Variants in FTO observed in about 807,000 individuals in gnomAD.
FTO encodes FTO alpha-ketoglutarate dependent dioxygenase, also known as alpha-ketoglutarate-dependent dioxygenase FTO.
FTO carries 47 observed loss-of-function variants against 63.9 expected under a neutral mutation model. The ratio of observed to expected loss-of-function variants is 0.74; its 90% confidence interval spans 0.58 to 0.94. The LOEUF (loss-of-function observed/expected upper bound fraction) is 0.94. FTO is among the 40% of genes least tolerant of loss of function. The probability of loss-of-function intolerance (pLI) is 0.00; values close to 1 mark genes in which losing one functional copy is unlikely to be tolerated. For missense variants in FTO, 562 were observed against 618.1 expected (o/e 0.91, Z 0.96); for synonymous variants, 207 against 224.4 (o/e 0.92, Z 0.69).
chr16:53,842,498 T>C, intron 3 of FTO, among the ~76,000 whole-genome samples: 1 of 152,204 alleles, frequency 6.6e-6, no homozygotes, highest in Non-Finnish European at 1.5e-5. Flanking sequence ...TCTACCTTTT[T>C]TAGTGTATCT....
intron 7 of FTO, among the ~76,000 whole-genome samples, chr16:53,913,361 G>C (rs1426091222): frequency 1.3e-5 from 2 of 152,138 alleles, no homozygotes; most frequent in African/African-American, 2.4e-5. Context: ...CTCTGATGAG[G>C]CTCTTACAGT....
Position 53,714,309 on chromosome 16 carries a change from G to A in FTO, c.45+10080G>A, listed in dbSNP as rs577767942. ...ATTCAAGGCTGAGCCTCAAGGGCCA[G>A]CATTTCTCCAGTAATAATATAAAAT... On this transcript the variant is annotated intron_variant, in intron 1 of 8. Transcript: ENST00000471389. 2.6e-5 allele frequency among the ~76,000 whole-genome samples: 4 copies of A among 152,292 alleles called. No homozygotes were observed. The South Asian group carries it at 6.2e-4, about 24-fold the overall frequency.
At chr16:53,808,535 T>C (rs886428693) in intron 1 of FTO, among the ~76,000 whole-genome samples, 3 of 152,138 alleles carry the variant, frequency 2.0e-5, no homozygotes, top group Non-Finnish European at 2.9e-5. Flanking sequence ...TTTTAGGTAA[T>C]GATACAAAAA....
chr16:53,950,145 T>C (rs537853188), intron 8 of FTO, among the ~76,000 whole-genome samples: 1 of 60,200 alleles, frequency 1.7e-5, no homozygotes. Context: ...AAAAAAGATA[T>C]TCACATTTGT....
chr16:53,958,867 G>C (rs1220377551), intron 8 of FTO, among the ~76,000 whole-genome samples: 1 of 152,120 alleles, frequency 6.6e-6, no homozygotes, highest in Non-Finnish European at 1.5e-5. Flanking sequence ...GCAAAGCCTG[G>C]GTTCAGCTCC....
At chr16:53,754,186 T>C (rs1049221087) in intron 1 of FTO, among the ~76,000 whole-genome samples, 38 of 152,222 alleles carry the variant, frequency 2.5e-4, no homozygotes, top group African/African-American at 8.7e-4. Flanking sequence ...ATGAATGGTA[T>C]GGCATTTTTG....
intron 8 of FTO, among the ~76,000 whole-genome samples, chr16:54,055,975 A>C (rs960583954): frequency 6.6e-6 from 1 of 152,216 alleles, no homozygotes; most frequent in Non-Finnish European, 1.5e-5. Flanking sequence ...GAAGTTCCCC[A>C]CTGGAGAGAG....
In FTO at chr16:53,826,345, C is replaced by T. The variant is rs2079005920; in HGVS notation, c.605C>T (p.Thr202Ile). The T allele has an allele frequency of 1.2e-6, 2 of 1,614,182 alleles. No individual in the cohort carries two copies. Among genetic ancestry groups the T allele is most frequent in the East Asian group, 2.2e-5 (1 of 44,880 alleles). The change falls in exon 3 of 9, where the codon ACT (threonine) becomes ATT (isoleucine). Residue 202 changes from threonine (T) to isoleucine (I), a missense_variant. Physicochemically the swap from Thr to Ile is moderately conservative, Grantham distance 89. Coordinates refer to ENST00000471389, the MANE Select transcript of FTO (RefSeq NM_001080432.3). ...AAGAGCAGAGCAGCATACAACGTAA[C>T]TTTGCTGAATTTCATGGATCCTCAG... ...DIKSRAAYNV[T>I]LLNFMDPQKM... is the part of the protein sequence containing the mutation.
intron 8 of FTO, among the ~76,000 whole-genome samples, chr16:54,009,989 G>T (rs538179906): frequency 1.8e-4 from 28 of 152,108 alleles, no homozygotes; most frequent in African/African-American, 5.3e-4. Context: ...GTCTATTTTT[G>T]ACTGTTGTAG....
At chr16:53,971,024 C>T (rs1249426380) in intron 8 of FTO, among the ~76,000 whole-genome samples, 3 of 152,152 alleles carry the variant, frequency 2.0e-5, no homozygotes, top group Non-Finnish European at 4.4e-5. Context: ...TTATTTACTG[C>T]ATATACATTT....
At chr16:53,835,627 AT>A (rs1462242155) in intron 3 of FTO, among the ~76,000 whole-genome samples, 3 of 151,956 alleles carry the variant, frequency 2.0e-5, no homozygotes, top group African/African-American at 7.3e-5. Context: ...ATGTTTTACA[AT>A]TTCACAGTGA....
At chr16:53,892,708 A>G (rs2081181824) in intron 7 of FTO, among the ~76,000 whole-genome samples, 1 of 152,200 alleles carries the variant, frequency 6.6e-6, no homozygotes, top group Non-Finnish European at 1.5e-5. Flanking sequence ...ACCTCAGGGA[A>G]TATGTGCATT....
chr16:54,026,701 G>C (rs1203505260), intron 8 of FTO, among the ~76,000 whole-genome samples: 1 of 152,116 alleles, frequency 6.6e-6, no homozygotes, highest in Non-Finnish European at 1.5e-5. Context: ...TTATAGACGA[G>C]AAGCCAGGAG....
At chr16:54,067,491 C>T (rs1419862347) in intron 8 of FTO, among the ~76,000 whole-genome samples, 1 of 152,194 alleles carries the variant, frequency 6.6e-6, no homozygotes, top group African/African-American at 2.4e-5. Context: ...ATATAAAATC[C>T]GCATGTGCTC....
intron 8 of FTO, among the ~76,000 whole-genome samples, chr16:53,976,345 A>G (rs2083438399): frequency 6.6e-6 from 1 of 152,146 alleles, no homozygotes; most frequent in South Asian, 2.1e-4. Flanking sequence ...TTAGGTTTTC[A>G]AATGGACGGG....
At chr16:53,752,046 C>G (rs550124574) in intron 1 of FTO, among the ~76,000 whole-genome samples, 1 of 152,298 alleles carries the variant, frequency 6.6e-6, no homozygotes, top group East Asian at 1.9e-4. Context: ...GGCACAAAGA[C>G]ATATGTATAA....
At chr16:54,085,267 CT>C (rs1217236046) in intron 8 of FTO, among the ~76,000 whole-genome samples, 2 of 152,164 alleles carry the variant, frequency 1.3e-5, no homozygotes, top group Admixed American at 6.5e-5. Context: ...TCCAATTATT[CT>C]TTTGGCTGTG....
At chr16:54,090,315 G>A (rs1465297069) in intron 8 of FTO, among the ~76,000 whole-genome samples, 1 of 152,176 alleles carries the variant, frequency 6.6e-6, no homozygotes, top group Non-Finnish European at 1.5e-5. Flanking sequence ...AACTTACATA[G>A]AATATCTAGA....
chr16:53,861,396 A>G (rs1400667042), intron 4 of FTO, among the ~76,000 whole-genome samples: 3 of 152,070 alleles, frequency 2.0e-5, no homozygotes, highest in Admixed American at 6.5e-5. Flanking sequence ...AAAATATGCT[A>G]TTATTTTAAA....
Sources: gnomAD v4.1 joint callset for allele counts (sites outside exome capture counted in the v4.1 genomes callset) on GRCh38, gnomAD v4.1.1 for gene constraint, MANE v1.5 for transcripts, NCBI Gene and HGNC (gene_info 2026-07-23, HGNC 2026-07-21) for gene names.